TYR: variants seen among roughly 807,000 people sequenced by gnomAD.
TYR encodes the protein tyrosinase.
A neutral mutation model predicts 51.5 loss-of-function variants in TYR; 58 were observed. The ratio of observed to expected loss-of-function variants is 1.13; its 90% confidence interval spans 0.91 to 1.40. The LOEUF (loss-of-function observed/expected upper bound fraction) is 1.40. Among genes scored for constraint, TYR ranks in the 40% most tolerant of loss-of-function variants. The pLI, the probability that TYR is intolerant of heterozygous loss-of-function variation, is 0.00. For synonymous variants in TYR, 263 were observed against 235.2 expected, an observed-to-expected ratio of 1.12 and a Z score of -1.08; for missense variants, 732 against 647.4, an observed-to-expected ratio of 1.13 and a Z score of -1.42.
intron 3 of TYR, among the ~76,000 whole-genome samples, chr11:89,265,085 TAAC>T (rs1336531521): frequency 3.3e-5 from 5 of 152,060 alleles, no homozygotes; most frequent in Admixed American, 6.6e-5. Context: ...GTATACCTAA[TAAC>T]AACTTCTAAA....
Position 89,178,712 on chromosome 11 carries a change from A to AG in TYR, c.761dup (p.Gln255SerfsTer7). On this transcript the variant is annotated frameshift_variant, in exon 1 of 5. Coordinates refer to ENST00000263321, the MANE Select transcript of TYR (RefSeq NM_000372.5). LOFTEE classifies it high-confidence loss of function. ...ACATTTGCACAGATGAGTACATGGG[A>AG]GGTCAGCACCCCACAAATCCTAACT... 1 of 1,614,102 alleles carries AG rather than the reference A, an allele frequency of 6.2e-7. No individual in the cohort carries two copies. Among genetic ancestry groups the AG allele is most frequent in the Non-Finnish European group, 8.5e-7 (1 of 1,180,002 alleles).
In TYR at chr11:89,265,011, G is replaced by A. The variant is rs543845147; in HGVS notation, c.1185-19762G>A. The stretch of plus-strand genomic sequence containing the variant: ...TCTTTTAAGCTTTATTGACAGTTAC[G>A]TCAGTTTTGAGTCTAAGCCCATTAG... On this transcript the variant is annotated intron_variant, in intron 3 of 4. Coordinates refer to ENST00000263321, the MANE Select transcript of TYR (RefSeq NM_000372.5). Among the ~76,000 whole-genome samples the A allele has an allele frequency of 2.2e-4, 33 of 152,000 alleles. 1 individual carries two copies. Among genetic ancestry groups the A allele is most frequent in the South Asian group, 2.1e-4 (1 of 4,822 alleles).
intron 2 of TYR, among the ~76,000 whole-genome samples, chr11:89,206,182 A>T (rs1421142602): frequency 6.6e-6 from 1 of 152,146 alleles, no homozygotes; most frequent in Non-Finnish European, 1.5e-5. Flanking sequence ...ATTAAATGTG[A>T]ATAGTCTAAA....
intron 4 of TYR, among the ~76,000 whole-genome samples, chr11:89,291,382 A>T (rs544401718): frequency 6.6e-6 from 1 of 152,116 alleles, no homozygotes; most frequent in East Asian, 1.9e-4. Context: ...ACTATGCATT[A>T]TCTGATTATG....
At chr11:89,294,498 C>T (rs534006258) in intron 4 of TYR, among the ~76,000 whole-genome samples, 75 of 152,288 alleles carry the variant, frequency 4.9e-4, no homozygotes, top group Non-Finnish European at 7.5e-4. Flanking sequence ...AAACAAAGGC[C>T]CAGAGTGCGG....
At chr11:89,238,205 A>G (rs7940368) in intron 3 of TYR, among the ~76,000 whole-genome samples, 52,499 of 151,930 alleles carry the variant, frequency 0.35, 10,074 homozygotes, top group African/African-American at 0.52. Flanking sequence ...TTTCATCAAT[A>G]TTTTATAGTT....
rs13312738 is a variant in TYR at position 89,177,949 on chromosome 11, G to T, written c.-5G>T. 1.3e-5 allele frequency: 21 copies of T among 1,613,908 alleles called. No individual in the cohort carries two copies. Among genetic ancestry groups the T allele is most frequent in the Non-Finnish European group, 1.4e-5 (16 of 1,180,012 alleles). ...CCTGCAGACCTTGTGAGGACTAGAG[G>T]AAGAATGCTCCTGGCTGTTTTGTAC... On this transcript the variant is annotated 5_prime_UTR_variant, in exon 1 of 5. Coordinates refer to ENST00000263321, the MANE Select transcript of TYR (RefSeq NM_000372.5).
At chr11:89,185,693 G>T (rs1374809616) in intron 1 of TYR, among the ~76,000 whole-genome samples, 2 of 152,106 alleles carry the variant, frequency 1.3e-5, no homozygotes, top group Non-Finnish European at 1.5e-5. Context: ...AATGACGGCA[G>T]GGTGGACTCT....
intron 2 of TYR, among the ~76,000 whole-genome samples, chr11:89,197,535 G>A (rs1343767722): frequency 6.6e-6 from 1 of 152,080 alleles, no homozygotes; most frequent in Non-Finnish European, 1.5e-5. Context: ...ATTGACAAGG[G>A]TAGTTGTGAT....
chr11:89,233,808 T>C lies in TYR; in HGVS notation c.1184+5838T>C, dbSNP rs992760048. Among the ~76,000 whole-genome samples the C allele has an allele frequency of 2.1e-5, 3 of 142,866 alleles. 1 individual carries two copies. Among genetic ancestry groups the C allele is most frequent in the African/African-American group, 8.3e-5 (3 of 36,010 alleles). 93.7% of individuals were successfully genotyped at this position (142,866 alleles called of 152,430 possible). On this transcript the variant is annotated intron_variant, in intron 3 of 4. Coordinates refer to ENST00000263321, the MANE Select transcript of TYR (RefSeq NM_000372.5). ...AACCATGCTGTAAACGGATATGCTA[T>C]CATGCAGGCTTTGTTGTTTCATTTA... is the stretch of plus-strand genomic sequence containing the variant.
intron 3 of TYR, among the ~76,000 whole-genome samples, chr11:89,272,332 G>C (rs940017105): frequency 2.6e-5 from 4 of 151,750 alleles, no homozygotes; most frequent in African/African-American, 9.7e-5. Flanking sequence ...TCATCTCCTT[G>C]TGTATCTCCA....
At chr11:89,200,256 T>G (rs560398866) in intron 2 of TYR, 2 of 152,252 alleles carry the variant, frequency 1.3e-5, no homozygotes, top group South Asian at 4.2e-4. Flanking sequence ...TTTTGTATTT[T>G]TAGTAGAGAT....
chr11:89,276,319 C>T (rs1337559266), intron 3 of TYR, among the ~76,000 whole-genome samples: 4 of 151,766 alleles, frequency 2.6e-5, no homozygotes, highest in Admixed American at 2.0e-4. Flanking sequence ...GACAAATTCT[C>T]CTCCATCTGC....
intron 3 of TYR, among the ~76,000 whole-genome samples, chr11:89,246,908 T>C (rs1290153329): frequency 2.0e-5 from 3 of 152,082 alleles, no homozygotes; most frequent in African/African-American, 7.2e-5. Flanking sequence ...CTCAGGGTTA[T>C]GGGGGTAGGT....
intron 2 of TYR, among the ~76,000 whole-genome samples, chr11:89,206,082 A>G (rs775109032): frequency 2.8e-4 from 42 of 152,120 alleles, no homozygotes; most frequent in Non-Finnish European, 4.7e-4. Context: ...AAGCAACTCA[A>G]ATGAAGACAG....
chr11:89,249,068 C>A (rs1227581313), intron 3 of TYR, among the ~76,000 whole-genome samples: 1 of 152,000 alleles, frequency 6.6e-6, no homozygotes, highest in Admixed American at 6.6e-5. Context: ...AACTAAAGTT[C>A]TCTTTGAACA....
rs372605544 is a variant in TYR, at chr11:89,235,694, G to T, written c.1184+7724G>T. Among the ~76,000 whole-genome samples the T allele has an allele frequency of 3.3e-5, 5 of 151,974 alleles. No individual in the cohort carries two copies. In the South Asian group the frequency reaches 8.3e-4, roughly 25 times the overall value. Reference sequence around the variant, plus strand: ...GCAGGAGTGGAAGGGGATGAATAGGGTCAATGAAAATGTTAGTTGAAGGGT... The same window carrying T: ...GCAGGAGTGGAAGGGGATGAATAGGTTCAATGAAAATGTTAGTTGAAGGGT... On this transcript the variant is annotated intron_variant, in intron 3 of 4. Transcript: ENST00000263321.
intron 3 of TYR, among the ~76,000 whole-genome samples, chr11:89,257,363 A>G (rs1205636468): frequency 6.6e-6 from 1 of 151,982 alleles, no homozygotes; most frequent in Admixed American, 6.6e-5. Context: ...TTTTCAAACG[A>G]AGATTATTTC....
chr11:89,274,536 A>G (rs1016848589), intron 3 of TYR, among the ~76,000 whole-genome samples: 1 of 151,942 alleles, frequency 6.6e-6, no homozygotes, highest in African/African-American at 2.4e-5. Flanking sequence ...CTGCCCTTAG[A>G]GTACCTGATC....
Sources: gnomAD v4.1 joint callset for allele counts (sites outside exome capture counted in the v4.1 genomes callset) on GRCh38, gnomAD v4.1.1 for gene constraint, MANE v1.5 for transcripts, NCBI Gene and HGNC (gene_info 2026-07-23, HGNC 2026-07-21) for gene names.